NRXN1: variants seen among roughly 807,000 people sequenced by gnomAD.
The protein encoded by NRXN1 is neurexin 1.
A neutral mutation model predicts 150.9 loss-of-function variants in NRXN1; 39 were observed. That is an observed-to-expected ratio of 0.26 (90% CI 0.20 to 0.34). The LOEUF (loss-of-function observed/expected upper bound fraction) is 0.34. NRXN1 is among the 10% of genes least tolerant of loss of function. NRXN1 has a pLI of 1.00. For synonymous variants in NRXN1, 924 were observed against 757.0 expected (o/e 1.22, Z -3.62); for missense variants, 1,815 against 1,949.9 (o/e 0.93, Z 1.30).
chr2:50,272,281 A>G (rs2069789632), intron 17 of NRXN1, among the ~76,000 whole-genome samples: 1 of 152,208 alleles, frequency 6.6e-6, no homozygotes, highest in African/African-American at 2.4e-5. Flanking sequence ...CCAGTTCACT[A>G]TAGACCTACC....
At chr2:50,164,388 G>C (rs572097763) in intron 18 of NRXN1, among the ~76,000 whole-genome samples, 14 of 152,156 alleles carry the variant, frequency 9.2e-5, no homozygotes, top group Non-Finnish European at 1.8e-4. Flanking sequence ...ATGGAATTTG[G>C]TGGTAATTAG....
At chr2:50,536,614 C>T (rs2093266939) in intron 10 of NRXN1, among the ~76,000 whole-genome samples, 1 of 152,096 alleles carries the variant, frequency 6.6e-6, no homozygotes, top group Non-Finnish European at 1.5e-5. Flanking sequence ...CTTCACTTAA[C>T]CAAGAGGCAT....
intron 5 of NRXN1, among the ~76,000 whole-genome samples, chr2:50,757,476 C>G (rs967740488): frequency 5.3e-4 from 81 of 151,894 alleles, no homozygotes; most frequent in African/African-American, 1.6e-3. Flanking sequence ...ATTACACATT[C>G]TAATACTCAT....
intron 8 of NRXN1, among the ~76,000 whole-genome samples, chr2:50,580,353 C>T (rs369309608): frequency 2.6e-5 from 4 of 152,106 alleles, no homozygotes; most frequent in South Asian, 2.1e-4. Flanking sequence ...AAACCCACAG[C>T]GATCTGGGTT....
intron 17 of NRXN1, among the ~76,000 whole-genome samples, chr2:50,438,555 G>T (rs2085653165): frequency 6.6e-6 from 1 of 152,212 alleles, no homozygotes; most frequent in South Asian, 2.1e-4. Context: ...GTACAATCTG[G>T]CAAGTGCAAT....
At chr2:50,772,894 G>A (rs1703178347) in intron 5 of NRXN1, among the ~76,000 whole-genome samples, 1 of 152,030 alleles carries the variant, frequency 6.6e-6, no homozygotes, top group South Asian at 2.1e-4. Flanking sequence ...GTATGGGGTG[G>A]CTAAACTCAA....
intron 17 of NRXN1, among the ~76,000 whole-genome samples, chr2:50,416,159 A>C (rs2104174044): frequency 6.6e-6 from 1 of 152,216 alleles, no homozygotes; most frequent in South Asian, 2.1e-4. Context: ...GCTATATAAT[A>C]AGATCAATTG....
intron 5 of NRXN1, among the ~76,000 whole-genome samples, chr2:50,791,331 A>AAAAC (rs1706001817): frequency 6.6e-6 from 1 of 151,624 alleles, no homozygotes; most frequent in Non-Finnish European, 1.5e-5. Flanking sequence ...AAAAAAAAAA[A>AAAAC]AATCCTTAGC....
chr2:49,947,520 T>C (rs1342571838), intron 21 of NRXN1, among the ~76,000 whole-genome samples: 5 of 144,686 alleles, frequency 3.5e-5, no homozygotes, highest in African/African-American at 7.7e-5. Flanking sequence ...TTTTCTTTTT[T>C]TTTTTTTTTT....
At chr2:50,445,288 G>T (rs2086300219) in intron 17 of NRXN1, among the ~76,000 whole-genome samples, 1 of 152,130 alleles carries the variant, frequency 6.6e-6, no homozygotes, top group African/African-American at 2.4e-5. Flanking sequence ...CAGTTGTAAG[G>T]AAGGCAGTCG....
chr2:50,776,864 G>C (rs1363826381), intron 5 of NRXN1, among the ~76,000 whole-genome samples: 1 of 151,992 alleles, frequency 6.6e-6, no homozygotes, highest in African/African-American at 2.4e-5. Context: ...CCAATATTCT[G>C]AAGCTACAAG....
intron 18 of NRXN1, among the ~76,000 whole-genome samples, chr2:50,146,731 C>G (rs1388206500): frequency 6.6e-6 from 1 of 151,554 alleles, no homozygotes; most frequent in African/African-American, 2.4e-5. Flanking sequence ...TCAATATACA[C>G]AGGCCAAGTT....
Position 50,513,964 on chromosome 2 carries a change from T to G in NRXN1, c.2375-7347A>C, listed in dbSNP as rs892057565. On this transcript the variant is annotated intron_variant, in intron 12 of 22. Coordinates refer to ENST00000401669, the MANE Select transcript of NRXN1 (RefSeq NM_001330078.2). ...ATATATTTTAAAGAGGTTAACTACA[T>G]AAATGAACTATCTTTATGGTGTACC... Among the ~76,000 whole-genome samples the G allele has an allele frequency of 1.9e-4, 29 of 152,214 alleles. 1 individual carries two copies. Among genetic ancestry groups the G allele is most frequent in the Non-Finnish European group, 7.4e-5 (5 of 68,024 alleles).
intron 18 of NRXN1, among the ~76,000 whole-genome samples, chr2:50,157,227 A>G (rs1395544899): frequency 1.3e-5 from 2 of 152,006 alleles, no homozygotes; most frequent in Non-Finnish European, 2.9e-5. Flanking sequence ...TAAGATATGC[A>G]TGCATTCCCA....
At chr2:50,073,871 G>A (rs186467965) in intron 19 of NRXN1, among the ~76,000 whole-genome samples, 6 of 152,122 alleles carry the variant, frequency 3.9e-5, no homozygotes, top group African/African-American at 1.4e-4. Context: ...TATCGAGAAA[G>A]AAGCAACATG....
chr2:50,276,280 G>A (rs766975871), intron 17 of NRXN1, among the ~76,000 whole-genome samples: 6 of 152,144 alleles, frequency 3.9e-5, no homozygotes, highest in South Asian at 4.1e-4. Flanking sequence ...AGAATAAAAA[G>A]CCTAACACTC....
intron 21 of NRXN1, among the ~76,000 whole-genome samples, chr2:50,050,871 C>G (rs1692610722): frequency 6.6e-6 from 1 of 151,860 alleles, no homozygotes; most frequent in African/African-American, 2.4e-5. Context: ...CCTATTAGCC[C>G]AACTTTAAAA....
intron 5 of NRXN1, among the ~76,000 whole-genome samples, chr2:50,743,807 A>T (rs1308861058): frequency 6.6e-6 from 1 of 152,180 alleles, no homozygotes; most frequent in African/African-American, 2.4e-5. Flanking sequence ...TGACTACTTT[A>T]TACTGAATTT....
chr2:50,467,352 T>G (rs2088998298), intron 16 of NRXN1, among the ~76,000 whole-genome samples: 1 of 151,570 alleles, frequency 6.6e-6, no homozygotes, highest in African/African-American at 2.4e-5. Context: ...TAAATATATT[T>G]TCTAGTAAAT....
Sources: gnomAD v4.1 joint callset for allele counts (sites outside exome capture counted in the v4.1 genomes callset) on GRCh38, gnomAD v4.1.1 for gene constraint, MANE v1.5 for transcripts, NCBI Gene and HGNC (gene_info 2026-07-23, HGNC 2026-07-21) for gene names.